The following EYA1 variants were observed in gnomAD, a reference collection of about 807,000 sequenced individuals.
EYA1 encodes protein phosphatase EYA1.
In EYA1, 16 loss-of-function variants were observed where a neutral mutation model predicts 82.0. The ratio of observed to expected loss-of-function variants is 0.20; its 90% confidence interval spans 0.13 to 0.30. EYA1 has a LOEUF of 0.30. Among genes scored for constraint, EYA1 ranks in the 10% least tolerant of loss-of-function variants. The probability of loss-of-function intolerance (pLI) is 1.00; values close to 1 mark genes in which losing one functional copy is unlikely to be tolerated. For synonymous variants in EYA1, 261 were observed against 264.4 expected (o/e 0.99, Z 0.12); for missense variants, 633 against 730.7 (o/e 0.87, Z 1.54).
chr8:71,524,437 G>A (rs952633073), intron 2 of EYA1, among the ~76,000 whole-genome samples: 1 of 152,070 alleles, frequency 6.6e-6, no homozygotes, highest in South Asian at 2.1e-4. Flanking sequence ...CCCAAACCCA[G>A]TATTCATTTT....
intron 4 of EYA1, among the ~76,000 whole-genome samples, chr8:71,327,609 T>C (rs1823306059): frequency 6.6e-6 from 1 of 152,222 alleles, no homozygotes; most frequent in African/African-American, 2.4e-5. Context: ...CTCAGCCACA[T>C]GCCTTGGAAA....
At chr8:71,397,186 G>A (rs1482293708) in intron 2 of EYA1, among the ~76,000 whole-genome samples, 1 of 152,124 alleles carries the variant, frequency 6.6e-6, no homozygotes, top group Admixed American at 6.5e-5. Context: ...GTGTGTCTCT[G>A]CATGTGAGAT....
At chr8:71,477,765 A>G (rs1474417976) in intron 2 of EYA1, among the ~76,000 whole-genome samples, 1 of 152,188 alleles carries the variant, frequency 6.6e-6, no homozygotes, top group African/African-American at 2.4e-5. Context: ...TTTTTACAAC[A>G]TTTACACAAA....
At chr8:71,283,529 C>CTT (rs3086593) in intron 9 of EYA1, among the ~76,000 whole-genome samples, 2 of 147,506 alleles carry the variant, frequency 1.4e-5, no homozygotes, top group Non-Finnish European at 1.5e-5. Context: ...GCTCGTTAAA[C>CTT]TTTTTTTTTT....
chr8:71,358,168 C>T (rs141295766), intron 1 of EYA1, among the ~76,000 whole-genome samples: 3 of 152,236 alleles, frequency 2.0e-5, no homozygotes, highest in Admixed American at 1.3e-4. Context: ...TTTCAGTATA[C>T]ACTTTGAAAG....
intron 11 of EYA1, among the ~76,000 whole-genome samples, chr8:71,255,879 A>C (rs796355855): frequency 1.3e-5 from 2 of 151,408 alleles, no homozygotes; most frequent in South Asian, 2.1e-4. Context: ...AATAAAAAAA[A>C]CCCTGATTTA....
intron 11 of EYA1, among the ~76,000 whole-genome samples, chr8:71,266,696 G>T (rs1815862252): frequency 6.6e-6 from 1 of 151,794 alleles, no homozygotes; most frequent in Non-Finnish European, 1.5e-5. Flanking sequence ...CTGTGAATCT[G>T]CCATCTCCTG....
intron 2 of EYA1, among the ~76,000 whole-genome samples, chr8:71,505,078 C>T (rs1812091397): frequency 6.6e-6 from 1 of 152,162 alleles, no homozygotes; most frequent in African/African-American, 2.4e-5. Flanking sequence ...GGGATTACCA[C>T]CATGCCTACC....
chr8:71,251,269 G>GA (rs1007709799), intron 11 of EYA1, among the ~76,000 whole-genome samples: 1 of 151,818 alleles, frequency 6.6e-6, no homozygotes, highest in East Asian at 1.9e-4. Flanking sequence ...GGCTCAAAAG[G>GA]AAAAAAATAC....
intron 17 of EYA1, among the ~76,000 whole-genome samples, chr8:71,203,229 T>C (rs1345543054): frequency 2.6e-5 from 4 of 152,132 alleles, no homozygotes; most frequent in Non-Finnish European, 5.9e-5. Context: ...TGACTCAGGG[T>C]TGCTTCTAGG....
Position 71,295,012 on chromosome 8 carries a change from T to C in EYA1, c.826+4035A>G, listed in dbSNP as rs1177004378. On this transcript the variant is annotated intron_variant, in intron 9 of 17. Coordinates refer to ENST00000340726, the MANE Select transcript of EYA1 (RefSeq NM_000503.6). Reference sequence around the variant, plus strand: ...GAAAAGATAGTTTTTCAAAAATTAATCTGGAACCACTGCACATCCATATGC... The same window carrying C: ...GAAAAGATAGTTTTTCAAAAATTAACCTGGAACCACTGCACATCCATATGC... Among the ~76,000 whole-genome samples, 3 of 152,198 alleles carry C rather than the reference T, an allele frequency of 2.0e-5. No homozygotes were observed. The South Asian group carries it at 6.2e-4, about 31-fold the overall frequency.
chr8:71,416,248 A>G (rs763464070), intron 2 of EYA1, among the ~76,000 whole-genome samples: 2 of 152,212 alleles, frequency 1.3e-5, no homozygotes, highest in Non-Finnish European at 2.9e-5. Context: ...GCTCCTCCTC[A>G]GCAGTCCTTG....
chr8:71,200,549 G>GTATC (rs145309659), intron 17 of EYA1, among the ~76,000 whole-genome samples: 4,241 of 152,206 alleles, frequency 0.028, 199 homozygotes, highest in African/African-American at 0.093. Flanking sequence ...CTATTTTGGT[G>GTATC]TATCTGTATA....
chr8:71,215,532 A>C, intron 15 of EYA1, 24 bp from the exon 16 acceptor site: 2 of 1,613,166 alleles, frequency 1.2e-6, no homozygotes, highest in Non-Finnish European at 1.7e-6. Flanking sequence ...AAGAAAACAA[A>C]GACTGTTGAA....
At chr8:71,547,664 G>C (rs896212874) in intron 1 of EYA1, 4 of 151,632 alleles carry the variant, frequency 2.6e-5, no homozygotes, top group African/African-American at 7.3e-5. Flanking sequence ...ATCAGCAGCC[G>C]CGGGCTCTCG....
At chr8:71,358,729 A>G (rs1247272164) in intron 1 of EYA1, among the ~76,000 whole-genome samples, 1 of 152,154 alleles carries the variant, frequency 6.6e-6, no homozygotes, top group Non-Finnish European at 1.5e-5. Flanking sequence ...TGACTTATCT[A>G]AAAAGAACAC....
rs1320363627 is a variant in EYA1, at chr8:71,438,867, G to T, written c.34-82356C>A. Reference sequence around the variant, plus strand: ...GTGCCAGATCTGTGTACGGAGGTTTGGAGAATGTCTTTGTGGATCTGACAG... The same window carrying T: ...GTGCCAGATCTGTGTACGGAGGTTTTGAGAATGTCTTTGTGGATCTGACAG... On this transcript the variant is annotated intron_variant, in intron 2 of 18. Coordinates refer to the EYA1 transcript ENST00000643681. Among the ~76,000 whole-genome samples, 2 of 152,144 alleles carry T rather than the reference G, an allele frequency of 1.3e-5. 1 individual carries two copies.
At chr8:71,289,559 G>C (rs1818772242) in intron 9 of EYA1, among the ~76,000 whole-genome samples, 1 of 152,198 alleles carries the variant, frequency 6.6e-6, no homozygotes, top group Non-Finnish European at 1.5e-5. Flanking sequence ...TTCAGACACA[G>C]TGGTTTCAAG....
chr8:71,458,430 A>G (rs1185586702), intron 2 of EYA1, among the ~76,000 whole-genome samples: 1 of 151,768 alleles, frequency 6.6e-6, no homozygotes, highest in Non-Finnish European at 1.5e-5. Flanking sequence ...TATAATTTTA[A>G]GGACTTCTTA....
Sources: gnomAD v4.1 joint callset for allele counts (sites outside exome capture counted in the v4.1 genomes callset) on GRCh38, gnomAD v4.1.1 for gene constraint, MANE v1.5 for transcripts, NCBI Gene and HGNC (gene_info 2026-07-23, HGNC 2026-07-21) for gene names.